The following ADAMTS6 variants were observed in gnomAD, a reference collection of about 807,000 sequenced individuals.
ADAMTS6 encodes the protein ADAM metallopeptidase with thrombospondin type 1 motif 6, also known as A disintegrin and metalloproteinase with thrombospondin motifs 6.
ADAMTS6 carries 23 observed loss-of-function variants against 144.3 expected under a neutral mutation model. That is an observed-to-expected ratio of 0.16 (90% CI 0.11 to 0.23). The LOEUF (loss-of-function observed/expected upper bound fraction) is 0.23. ADAMTS6 is among the 10% of genes least tolerant of loss of function. The pLI is 1.00. For synonymous variants in ADAMTS6, 444 were observed against 457.5 expected (o/e 0.97, Z 0.38); for missense variants, 999 against 1,379.6 (o/e 0.72, Z 4.37).
At chr5:65,291,568 C>T (rs762783562) in intron 10 of ADAMTS6, 98 bp from the exon 11 acceptor site, 47 of 1,276,406 alleles carry the variant, frequency 3.7e-5, no homozygotes, top group Admixed American at 1.5e-4. Context: ...AATAACTTGA[C>T]GCATGAAAAA....
chr5:65,350,330 C>T (rs1365227100), intron 7 of ADAMTS6, among the ~76,000 whole-genome samples: 2 of 152,206 alleles, frequency 1.3e-5, no homozygotes, highest in Non-Finnish European at 2.9e-5. Flanking sequence ...TTAAATACCT[C>T]TAAGTCTTCT....
chr5:65,421,513 A>G (rs978182201), intron 7 of ADAMTS6, among the ~76,000 whole-genome samples: 2 of 152,234 alleles, frequency 1.3e-5, no homozygotes, highest in Middle Eastern at 3.4e-3. Context: ...TTTCCTTCAC[A>G]TTTACTTAAG....
At chr5:65,152,434 GGTGAATGAAAAGGATT>G (rs34205124) in intron 24 of ADAMTS6, among the ~76,000 whole-genome samples, 79,534 of 152,052 alleles carry the variant, frequency 0.52, 22,699 homozygotes, top group Non-Finnish European at 0.64. Flanking sequence ...GATGGGCCTG[GGTGAATGAAAAGGATT>G]GCTGAGAGTG....
At chr5:65,429,443 G>A (rs1353389348) in intron 7 of ADAMTS6, among the ~76,000 whole-genome samples, 1 of 151,982 alleles carries the variant, frequency 6.6e-6, no homozygotes, top group African/African-American at 2.4e-5. Flanking sequence ...AATATGCATT[G>A]CCTGTCTGTA....
chr5:65,327,510 C>A (rs1445692390), intron 9 of ADAMTS6, among the ~76,000 whole-genome samples: 1 of 151,422 alleles, frequency 6.6e-6, no homozygotes, highest in Non-Finnish European at 1.5e-5. Flanking sequence ...GGAATTTTTT[C>A]CCCATTTTTA....
chr5:65,425,492 C>T (rs1756436033), intron 7 of ADAMTS6, among the ~76,000 whole-genome samples: 1 of 152,158 alleles, frequency 6.6e-6, no homozygotes, highest in Admixed American at 6.5e-5. Context: ...CAAGTTGAAA[C>T]CCAGTGTTAT....
Position 65,446,954 on chromosome 5 carries a change from G to A in ADAMTS6, c.1073+4521C>T, listed in dbSNP as rs115365328. Reference sequence around the variant, plus strand: ...TATACTTTAAATGGGTAAATTGTATGGTTTGTGAATTATATCTCAATAAAG... The same window carrying A: ...TATACTTTAAATGGGTAAATTGTATAGTTTGTGAATTATATCTCAATAAAG... On this transcript the variant is annotated intron_variant, in intron 7 of 24. Transcript: ENST00000381055. Among the ~76,000 whole-genome samples, 1,043 of 152,114 alleles carry A rather than the reference G, an allele frequency of 6.9e-3. 13 individuals carry two copies. The highest frequency in any genetic ancestry group is 0.024 in the African/African-American group (978 of 41,494).
At chr5:65,447,101 A>G (rs1192870963) in intron 7 of ADAMTS6, among the ~76,000 whole-genome samples, 1 of 152,188 alleles carries the variant, frequency 6.6e-6, no homozygotes, top group Non-Finnish European at 1.5e-5. Flanking sequence ...GCCAAGAAAT[A>G]TATGCATTAG....
intron 21 of ADAMTS6, among the ~76,000 whole-genome samples, chr5:65,193,945 AT>A (rs530331693): frequency 7.3e-4 from 111 of 152,164 alleles, no homozygotes; most frequent in African/African-American, 2.5e-3. Context: ...GTGTAATACA[AT>A]TTTTTTTATA....
chr5:65,465,844 T>C (rs573977342), intron 3 of ADAMTS6, among the ~76,000 whole-genome samples: 81 of 152,370 alleles, frequency 5.3e-4, no homozygotes, highest in Middle Eastern at 3.4e-3. Flanking sequence ...CCTGACCTCT[T>C]GGAATGCCCA....
chr5:65,389,215 A>AAAAG (rs1288410614), intron 7 of ADAMTS6, among the ~76,000 whole-genome samples: 1 of 152,122 alleles, frequency 6.6e-6, no homozygotes, highest in Non-Finnish European at 1.5e-5. Flanking sequence ...AAGAAAAAAA[A>AAAAG]AAAGAAAGAA....
intron 7 of ADAMTS6, among the ~76,000 whole-genome samples, chr5:65,442,708 A>AG (rs1757958185): frequency 6.6e-6 from 1 of 152,192 alleles, no homozygotes; most frequent in Non-Finnish European, 1.5e-5. Context: ...GTACATGTGC[A>AG]GGATGTGCAG....
rs376395705 is a variant in ADAMTS6 at position 65,376,527 on chromosome 5, C to T, written c.1074-42442G>A. On this transcript the variant is annotated intron_variant, in intron 7 of 24. Coordinates refer to ENST00000381055, the MANE Select transcript of ADAMTS6 (RefSeq NM_197941.4). Reference sequence around the variant, plus strand: ...TTAGTTCCCCAAATTCATATATTCACATGCACTTAAAACAGCTTTACAGGC... The same window carrying T: ...TTAGTTCCCCAAATTCATATATTCATATGCACTTAAAACAGCTTTACAGGC... Among the ~76,000 whole-genome samples, 217 of 152,156 alleles carry T rather than the reference C, an allele frequency of 1.4e-3. 2 individuals are homozygous for T. The highest frequency in any genetic ancestry group is 3.1e-3 in the Admixed American group (48 of 15,282).
chr5:65,350,463 C>T (rs529361697), intron 7 of ADAMTS6, among the ~76,000 whole-genome samples: 4 of 152,076 alleles, frequency 2.6e-5, no homozygotes, highest in Non-Finnish European at 4.4e-5. Context: ...CCTTCTTTAG[C>T]GGTAGCACAG....
chr5:65,257,910 A>G (rs1190190751), intron 14 of ADAMTS6, among the ~76,000 whole-genome samples: 2 of 152,222 alleles, frequency 1.3e-5, no homozygotes, highest in African/African-American at 4.8e-5. Flanking sequence ...CAATAAATTT[A>G]TAAGCTCTTT....
chr5:65,409,914 A>G (rs1195882172), intron 7 of ADAMTS6, among the ~76,000 whole-genome samples: 1 of 152,254 alleles, frequency 6.6e-6, no homozygotes, highest in Non-Finnish European at 1.5e-5. Context: ...TTATCTCAAT[A>G]GATGCAGACT....
intron 7 of ADAMTS6, among the ~76,000 whole-genome samples, chr5:65,370,299 G>C (rs1006255102): frequency 1.3e-5 from 2 of 152,110 alleles, no homozygotes; most frequent in South Asian, 2.1e-4. Context: ...AAACAGCTCC[G>C]GTCTATAGCT....
intron 7 of ADAMTS6, among the ~76,000 whole-genome samples, chr5:65,419,438 T>G (rs370404100): frequency 6.6e-6 from 1 of 152,112 alleles, no homozygotes; most frequent in East Asian, 1.9e-4. Flanking sequence ...AAAAACTAAC[T>G]ATTGGACACT....
At position 65,214,584 on chromosome 5, in the gene ADAMTS6, T is replaced by C; in HGVS notation, c.2575+210A>G. On this transcript the variant is annotated intron_variant, in intron 20 of 24. Transcript: ENST00000381055. This position sits in a 1 kb window ranked among gnomAD's most constrained non-coding sequence, Gnocchi z 4.6. ...AGACACTCATTGTGCCAAGATGTAT[T>C]TTACCAACAAATCTGCACAAATTAC... 1 of 675,352 alleles carries C rather than the reference T, an allele frequency of 1.5e-6. No individual in the cohort carries two copies. The allele number at this position is 675,352 out of a possible 1,614,324, so 41.8% of individuals were successfully genotyped here. A position where few individuals can be genotyped will look rare whatever the true frequency, so the allele number is the denominator to read the frequency against.
Sources: gnomAD v4.1 joint callset for allele counts (sites outside exome capture counted in the v4.1 genomes callset) on GRCh38, gnomAD v4.1.1 for gene constraint, Gnocchi (gnomAD v3.1) non-coding constraint, MANE v1.5 for transcripts, NCBI Gene and HGNC (gene_info 2026-07-23, HGNC 2026-07-21) for gene names.